NAT1: variants seen among roughly 807,000 people sequenced by gnomAD.
NAT1 encodes arylamine N-acetyltransferase 1.
For synonymous variants in NAT1, 144 were observed against 122.6 expected, an observed-to-expected ratio of 1.17 and a Z score of -1.16; for missense variants, 400 against 339.2, an observed-to-expected ratio of 1.18 and a Z score of -1.41.
At chr8:18,204,652 A>G (rs1312166927) in intron 2 of NAT1, among the ~76,000 whole-genome samples, 1 of 152,242 alleles carries the variant, frequency 6.6e-6, no homozygotes, top group African/African-American at 2.4e-5. Flanking sequence ...GAATACAGAT[A>G]TAGACAGTTC....
upstream of NAT1, among the ~76,000 whole-genome samples, chr8:18,208,420 A>G (rs1248702361): frequency 6.6e-6 from 1 of 152,244 alleles, no homozygotes; most frequent in Non-Finnish European, 1.5e-5. Flanking sequence ...TAAATCCAGT[A>G]AAGTAGCAGG....
upstream of NAT1, among the ~76,000 whole-genome samples, chr8:18,208,344 A>T (rs867446089): frequency 3.3e-5 from 5 of 152,124 alleles, no homozygotes; most frequent in Non-Finnish European, 7.3e-5. Context: ...AAAAAGTAAA[A>T]TTTTTTCTAT....
At chr8:18,203,272 G>C (rs1803555728) in intron 2 of NAT1, among the ~76,000 whole-genome samples, 1 of 152,190 alleles carries the variant, frequency 6.6e-6, no homozygotes, top group African/African-American at 2.4e-5. Context: ...CAGGAAAATA[G>C]AAATGACCTC....
intron 1 of NAT1, among the ~76,000 whole-genome samples, chr8:18,213,202 G>C (rs374060001): frequency 1.2e-4 from 18 of 151,852 alleles, no homozygotes; most frequent in African/African-American, 4.3e-4. Context: ...GTGAGCCATT[G>C]CACCAAGACC....
intron 1 of NAT1, among the ~76,000 whole-genome samples, chr8:18,214,861 C>T (rs1260028239): frequency 1.3e-5 from 2 of 152,118 alleles, no homozygotes; most frequent in African/African-American, 2.4e-5. Context: ...GTGAAAGGCC[C>T]CAGTGTGTGC....
At chr8:18,200,637 G>A (rs530981943) in intron 2 of NAT1, among the ~76,000 whole-genome samples, 15 of 152,128 alleles carry the variant, frequency 9.9e-5, no homozygotes, top group African/African-American at 2.9e-4. Flanking sequence ...CCCCTGTGAC[G>A]TGTAGTTTAC....
intron 2 of NAT1, among the ~76,000 whole-genome samples, chr8:18,187,467 A>T (rs1802786797): frequency 6.6e-6 from 1 of 152,214 alleles, no homozygotes; most frequent in African/African-American, 2.4e-5. Context: ...TCAATGGCGG[A>T]CTGGCTTTTA....
Position 18,188,082 on chromosome 8 carries a change from A to G in NAT1, n.92+17343A>G, listed in dbSNP as rs551966089. ...TAAAATTCATCTTTACATAATACAG[A>G]CTAGATCTAGAAATTAATATACTTT... is the stretch of plus-strand genomic sequence containing the variant. On this transcript the variant is annotated intron_variant and non_coding_transcript_variant, in intron 2 of 4. Coordinates refer to the NAT1 transcript ENST00000517441. Among the ~76,000 whole-genome samples the G allele has an allele frequency of 5.9e-5, 9 of 152,208 alleles. No individual in the cohort carries two copies. In the South Asian group the frequency reaches 1.9e-3, roughly 32 times the overall value.
chr8:18,201,071 G>C (rs1803441562), intron 2 of NAT1: 1 of 152,058 alleles, frequency 6.6e-6, no homozygotes, highest in Non-Finnish European at 1.5e-5. Flanking sequence ...AAGGTTATAA[G>C]GATGCTCATG....
chr8:18,221,562 A>G (rs1208353724), intron 2 of NAT1, among the ~76,000 whole-genome samples: 1 of 152,198 alleles, frequency 6.6e-6, no homozygotes, highest in Non-Finnish European at 1.5e-5. Flanking sequence ...TCTTGAGTTA[A>G]TCAATCAATG....
rs1480299631 is a variant in NAT1 at position 18,215,933 on chromosome 8, T to C, written c.-85-3478T>C. 2.0e-5 allele frequency among the ~76,000 whole-genome samples: 3 copies of C among 152,164 alleles called. No individual in the cohort carries two copies. The East Asian group carries it at 5.8e-4, about 29-fold the overall frequency. On this transcript the variant is annotated intron_variant, in intron 1 of 2. Coordinates refer to ENST00000307719, the MANE Select transcript of NAT1 (RefSeq NM_000662.8). ...TGGGCCTGGGAGACAGGTCTATGCC[T>C]TTCTCTGAAGATGATTTTAAGGACT...
chr8:18,216,451 G>T (rs1342259873), intron 1 of NAT1, among the ~76,000 whole-genome samples: 1 of 152,156 alleles, frequency 6.6e-6, no homozygotes, highest in African/African-American at 2.4e-5. Context: ...CAATTTGGCT[G>T]CTTGAACCAA....
upstream of NAT1, among the ~76,000 whole-genome samples, chr8:18,207,857 A>T (rs1366452137): frequency 6.6e-6 from 1 of 152,234 alleles, no homozygotes. Context: ...AAAGACATGG[A>T]ATCAACCCAA....
chr8:18,214,240 CCT>C (rs1265800723), intron 1 of NAT1, among the ~76,000 whole-genome samples: 2 of 152,292 alleles, frequency 1.3e-5, no homozygotes, highest in East Asian at 3.9e-4. Context: ...TTTAGTGTGA[CCT>C]CTCTACTTTT....
At chr8:18,201,512 G>C (rs1803462009) in intron 2 of NAT1, among the ~76,000 whole-genome samples, 1 of 151,760 alleles carries the variant, frequency 6.6e-6, no homozygotes, top group South Asian at 2.1e-4. Context: ...TATTAACTGA[G>C]TATTCAAGAC....
chr8:18,201,336 T>C (rs1423928302), intron 2 of NAT1: 5 of 152,260 alleles, frequency 3.3e-5, no homozygotes, highest in African/African-American at 1.2e-4. Flanking sequence ...AAGACAGTAA[T>C]TAAAATGAGT....
At chr8:18,173,451 G>A (rs113600512) in intron 2 of NAT1, among the ~76,000 whole-genome samples, 145 of 152,146 alleles carry the variant, frequency 9.5e-4, no homozygotes, top group African/African-American at 3.4e-3. Context: ...GGAAAAGCAA[G>A]GCTGTTGTGG....
At chr8:18,186,832 A>G (rs1802758102) in intron 2 of NAT1, among the ~76,000 whole-genome samples, 1 of 152,204 alleles carries the variant, frequency 6.6e-6, no homozygotes, top group Non-Finnish European at 1.5e-5. Context: ...TCGCACAGCA[A>G]AAGAAACTAT....
At chr8:18,206,585 T>A (rs1160874727), upstream of NAT1, among the ~76,000 whole-genome samples, 1 of 152,222 alleles carries the variant, frequency 6.6e-6, no homozygotes, top group Admixed American at 6.5e-5. Flanking sequence ...CAAGCCCTTT[T>A]TTCATGTGTG....
Sources: gnomAD v4.1 joint callset for allele counts (sites outside exome capture counted in the v4.1 genomes callset) on GRCh38, gnomAD v4.1.1 for gene constraint, MANE v1.5 for transcripts, NCBI Gene and HGNC (gene_info 2026-07-23, HGNC 2026-07-21) for gene names.